The following RIMBP2 variants were observed in gnomAD, a reference collection of about 807,000 sequenced individuals.
RIMBP2 encodes the protein RIMS-binding protein 2.
Under a neutral mutation model 118.6 loss-of-function variants are expected in RIMBP2, and 48 were observed. The ratio of observed to expected loss-of-function variants is 0.40; its 90% CI spans 0.32 to 0.51. The LOEUF (loss-of-function observed/expected upper bound fraction) is 0.51. Among genes scored for constraint, RIMBP2 ranks in the 20% least tolerant of loss-of-function variants. RIMBP2 has a pLI of 0.41. For missense variants in RIMBP2, 1,551 were observed against 1,768.3 expected (o/e 0.88, Z 2.20); for synonymous variants, 762 against 742.9 (o/e 1.03, Z -0.42).
intron 2 of RIMBP2, among the ~76,000 whole-genome samples, chr12:130,563,682 T>C (rs1019121479): frequency 1.3e-5 from 2 of 152,192 alleles, no homozygotes; most frequent in Admixed American, 6.5e-5. Context: ...TTGAGCCGGG[T>C]TGGCCATTTC....
At position 130,446,876 on chromosome 12, in the gene RIMBP2, G is replaced by T. The variant is rs538439391; in HGVS notation, c.582-1607C>A. On this transcript the variant is annotated intron_variant, in intron 9 of 22. Coordinates refer to ENST00000690449, the MANE Select transcript of RIMBP2 (RefSeq NM_001393629.1). This position sits in a 1 kb window ranked among gnomAD's most constrained non-coding sequence, Gnocchi z 4.1. ...TCCAGCAAAGGAGTTTGGTCGGGGAGTGACTTAGGAGGCTGTGGAAATGCG... is the reference window on the plus strand; with the variant it reads ...TCCAGCAAAGGAGTTTGGTCGGGGATTGACTTAGGAGGCTGTGGAAATGCG... Among the ~76,000 whole-genome samples the T allele has an allele frequency of 6.6e-6, 1 of 152,126 alleles. No individual in the cohort carries two copies. The highest frequency in any genetic ancestry group is 1.5e-5 in the Non-Finnish European group (1 of 68,026).
At chr12:130,560,024 T>C (rs913109924) in intron 2 of RIMBP2, among the ~76,000 whole-genome samples, 18 of 152,294 alleles carry the variant, frequency 1.2e-4, no homozygotes, top group African/African-American at 4.1e-4. Context: ...GGTGATTTGC[T>C]TAAGGGCAGA....
chr12:130,522,581 T>C (rs950055091), intron 2 of RIMBP2, among the ~76,000 whole-genome samples: 3 of 152,228 alleles, frequency 2.0e-5, no homozygotes, highest in African/African-American at 7.2e-5. Flanking sequence ...TAGACACATC[T>C]ACAGGCGGAA....
intron 2 of RIMBP2, among the ~76,000 whole-genome samples, chr12:130,543,441 G>T (rs1279961787): frequency 1.3e-5 from 2 of 152,122 alleles, no homozygotes; most frequent in Admixed American, 1.3e-4. Flanking sequence ...GTTCAGAAAA[G>T]ATTCTAGCCC....
At chr12:130,667,158 GGGAA>G (rs1566441372) in intron 1 of RIMBP2, 6 of 122,656 alleles carry the variant, frequency 4.9e-5, no homozygotes, top group African/African-American at 3.2e-5. Flanking sequence ...GAGGAAGGGA[GGGAA>G]GAAGGGAGGG....
chr12:130,705,498 G>T (rs1287839546), intron 1 of RIMBP2, among the ~76,000 whole-genome samples: 1 of 152,196 alleles, frequency 6.6e-6, no homozygotes, highest in East Asian at 1.9e-4. Flanking sequence ...GCAGGGAAGG[G>T]ACGCAGCTGT....
chr12:130,449,854 C>T (rs1327374843), intron 9 of RIMBP2, among the ~76,000 whole-genome samples: 1 of 152,030 alleles, frequency 6.6e-6, no homozygotes, highest in Admixed American at 6.6e-5. Flanking sequence ...CGCCTGGTCT[C>T]CCGGCAGCCA....
chr12:130,661,770 G>C, intron 1 of RIMBP2, among the ~76,000 whole-genome samples: 1 of 152,082 alleles, frequency 6.6e-6, no homozygotes, highest in South Asian at 2.1e-4. Flanking sequence ...CAATAACTAC[G>C]GTCAGTGAAG....
chr12:130,611,546 A>G (rs1211017978), intron 2 of RIMBP2, among the ~76,000 whole-genome samples: 1 of 152,206 alleles, frequency 6.6e-6, no homozygotes, highest in Non-Finnish European at 1.5e-5. Context: ...AGATGCCACC[A>G]TGCTGGCGGC....
chr12:130,405,111 A>C (rs547188645), intron 21 of RIMBP2, among the ~76,000 whole-genome samples: 1 of 152,246 alleles, frequency 6.6e-6, no homozygotes, highest in Admixed American at 6.5e-5. Context: ...ACCTTGAAGG[A>C]CCTTTTAGGC....
chr12:130,596,974 A>T (rs2059599093), intron 2 of RIMBP2, among the ~76,000 whole-genome samples: 1 of 152,152 alleles, frequency 6.6e-6, no homozygotes, highest in Non-Finnish European at 1.5e-5. Flanking sequence ...TACAAAGAAA[A>T]CTCCACAGAT....
intron 4 of RIMBP2, among the ~76,000 whole-genome samples, chr12:130,490,424 A>C (rs1350965807): frequency 1.3e-5 from 2 of 152,194 alleles, no homozygotes; most frequent in Non-Finnish European, 2.9e-5. Context: ...CTATTAAAAA[A>C]TAAATGGTTT....
At chr12:130,612,939 G>A (rs574970826) in intron 2 of RIMBP2, among the ~76,000 whole-genome samples, 11 of 125,900 alleles carry the variant, frequency 8.7e-5, no homozygotes, top group Middle Eastern at 4.8e-3. Context: ...GGGTAACCCC[G>A]ATGATTACAC....
chr12:130,573,680 CA>C (rs1469781976), intron 2 of RIMBP2, among the ~76,000 whole-genome samples: 3 of 152,142 alleles, frequency 2.0e-5, no homozygotes, highest in Non-Finnish European at 2.9e-5. Context: ...TCCTCAGTGA[CA>C]GGGGTAGCCA....
intron 1 of RIMBP2, among the ~76,000 whole-genome samples, chr12:130,642,482 G>A (rs537754223): frequency 3.7e-4 from 56 of 152,140 alleles, no homozygotes; most frequent in African/African-American, 1.3e-3. Flanking sequence ...ACGGGGTGTC[G>A]CCATGTTGGC....
At chr12:130,657,473 C>T (rs1184359324) in intron 1 of RIMBP2, among the ~76,000 whole-genome samples, 1 of 152,206 alleles carries the variant, frequency 6.6e-6, no homozygotes, top group East Asian at 1.9e-4. Flanking sequence ...TAAGTTCAGA[C>T]GAGGTCAGAT....
intron 2 of RIMBP2, among the ~76,000 whole-genome samples, chr12:130,546,398 T>C (rs2055171478): frequency 6.6e-6 from 1 of 152,102 alleles, no homozygotes; most frequent in South Asian, 2.1e-4. Context: ...CAGGATCAAG[T>C]GATTCTCCTG....
Position 130,688,940 on chromosome 12 carries a change from A to G in RIMBP2, c.-352+27282T>C, listed in dbSNP as rs1194017668. ...ACTGGAGCGAAGGTCGGTCGCAGGCAGCAGAGAACTGCCCAGTGTGCGCCG... is the reference window on the plus strand; with the variant it reads ...ACTGGAGCGAAGGTCGGTCGCAGGCGGCAGAGAACTGCCCAGTGTGCGCCG... On this transcript the variant is annotated intron_variant, in intron 1 of 22. Coordinates refer to ENST00000690449, the MANE Select transcript of RIMBP2 (RefSeq NM_001393629.1). The surrounding 1 kb of genome is among the most constrained non-coding windows in gnomAD (Gnocchi z 4.7). Among the ~76,000 whole-genome samples, 2 of 152,256 alleles carry G rather than the reference A, an allele frequency of 1.3e-5. No homozygotes were observed. The highest frequency in any genetic ancestry group is 2.4e-5 in the African/African-American group (1 of 41,474).
chr12:130,619,372 C>T (rs1177148903), intron 2 of RIMBP2, among the ~76,000 whole-genome samples: 2 of 152,196 alleles, frequency 1.3e-5, no homozygotes, highest in Non-Finnish European at 2.9e-5. Flanking sequence ...TTCATTCCCT[C>T]ACCTCTTCCA....
Sources: allele counts gnomAD v4.1 joint callset (sites outside exome capture counted in the v4.1 genomes callset), GRCh38; gene constraint gnomAD v4.1.1; non-coding constraint Gnocchi (gnomAD v3.1); transcripts MANE v1.5; gene names NCBI Gene and HGNC (gene_info 2026-07-23, HGNC 2026-07-21).